The following VPS13C variants were observed in gnomAD, a reference collection of about 807,000 sequenced individuals.
The protein encoded by VPS13C is vacuolar protein sorting 13 homolog C.
VPS13C carries 358 observed loss-of-function variants against 456.8 expected under a neutral mutation model. The ratio of observed to expected loss-of-function variants is 0.78; its 90% CI spans 0.72 to 0.86. The LOEUF is 0.86. VPS13C is among the 40% of genes least tolerant of loss of function. VPS13C has a pLI of 0.00. For synonymous variants in VPS13C, 1,578 were observed against 1,486.7 expected (o/e 1.06, Z -1.41); for missense variants, 4,818 against 4,385.4 (o/e 1.10, Z -2.79).
intron 22 of VPS13C, among the ~76,000 whole-genome samples, chr15:61,979,553 A>G (rs192685391): frequency 3.1e-4 from 47 of 152,372 alleles, no homozygotes; most frequent in Admixed American, 4.6e-4. Flanking sequence ...TTACAAATAG[A>G]TAACTAATTT....
chr15:62,035,118 T>C, intron 3 of VPS13C, 66 bp from the exon 4 acceptor site: 1 of 1,222,012 alleles, frequency 8.2e-7, no homozygotes, highest in Admixed American at 2.0e-5. Context: ...AATTTCTCAC[T>C]TTCCATTAAG....
At chr15:61,950,162 T>C (rs2044738066) in intron 41 of VPS13C, among the ~76,000 whole-genome samples, 196 bp downstream of exon 41, 1 of 152,200 alleles carries the variant, frequency 6.6e-6, no homozygotes, top group Admixed American at 6.5e-5. Context: ...AAACAATCTT[T>C]TCAGAACATA....
chr15:62,015,467 C>A (rs1431333482), intron 9 of VPS13C, among the ~76,000 whole-genome samples: 1 of 151,756 alleles, frequency 6.6e-6, no homozygotes, highest in African/African-American at 2.4e-5. Context: ...AGGTTTTCTT[C>A]TAGGGTTTTT....
At chr15:61,997,569 A>T (rs1185607710) in intron 16 of VPS13C, among the ~76,000 whole-genome samples, 1 of 151,904 alleles carries the variant, frequency 6.6e-6, no homozygotes, top group Non-Finnish European at 1.5e-5. Flanking sequence ...CTCTCATCTC[A>T]CTCAAGCTTG....
rs753493016 is a variant in VPS13C at position 61,878,673 on chromosome 15, T to C, written c.10076A>G (p.His3359Arg). 1.6e-5 allele frequency: 26 copies of C among 1,611,954 alleles called. No individual in the cohort carries two copies. In the South Asian group the frequency reaches 2.3e-4, roughly 14 times the overall value. The part of the protein sequence containing the change: ...DKEKQEMFAV[H>R]SVNLLLKSIG... The stretch of plus-strand genomic sequence containing the variant: ...GCTTTTCAACAGCAAGTTGACAGAA[T>C]GAACTGCAAACATTTCCTGTTTTTC... Residue 3359 changes from histidine (H) to arginine (R), a missense_variant, in exon 74 of 85, where the codon CAT becomes CGT. Transcript: ENST00000644861.
chr15:61,874,653 A>T (rs537975224), intron 77 of VPS13C, among the ~76,000 whole-genome samples: 1 of 152,174 alleles, frequency 6.6e-6, no homozygotes, highest in East Asian at 1.9e-4. Context: ...TTTAATTTAA[A>T]TGTAAAATTA....
At chr15:61,898,490 T>C (rs1389720792) in intron 66 of VPS13C, among the ~76,000 whole-genome samples, 2 of 151,440 alleles carry the variant, frequency 1.3e-5, no homozygotes, top group African/African-American at 4.9e-5. Context: ...CCAACAAAGA[T>C]CAAAAGAGAC....
chr15:61,872,618 A>G lies in VPS13C; in HGVS notation c.10579-584T>C, dbSNP rs76299476. ...TGAATATACTAATACATTTTTAATC[A>G]TTATGAAGTAATGGTAGTAAAATAC... On this transcript the variant is annotated intron_variant, in intron 78 of 84. Coordinates refer to ENST00000644861, the MANE Select transcript of VPS13C (RefSeq NM_020821.3). 6.6e-3 allele frequency among the ~76,000 whole-genome samples: 1,011 copies of G among 152,238 alleles called. 14 individuals carry two copies. Among genetic ancestry groups the G allele is most frequent in the African/African-American group, 0.023 (974 of 41,564 alleles).
chr15:61,871,740 G>A (rs1895047705), intron 79 of VPS13C, among the ~76,000 whole-genome samples: 1 of 152,066 alleles, frequency 6.6e-6, no homozygotes, highest in South Asian at 2.1e-4. Context: ...AATTGCTACT[G>A]AGGACCCAAA....
At chr15:62,001,843 T>C (rs1461673161) in intron 15 of VPS13C, among the ~76,000 whole-genome samples, 3 of 152,246 alleles carry the variant, frequency 2.0e-5, no homozygotes, top group Non-Finnish European at 4.4e-5. Context: ...ACAAAGGACA[T>C]GAACTCATCA....
At chr15:61,936,337 C>G (rs1394281437) in intron 48 of VPS13C, among the ~76,000 whole-genome samples, 2 of 152,100 alleles carry the variant, frequency 1.3e-5, no homozygotes, top group Non-Finnish European at 2.9e-5. Context: ...TCAAGATACG[C>G]CACTTCAGTG....
chr15:62,011,270 A>T (rs1321603091), intron 12 of VPS13C, among the ~76,000 whole-genome samples: 1 of 152,220 alleles, frequency 6.6e-6, no homozygotes, highest in African/African-American at 2.4e-5. Flanking sequence ...ACTGTACAAA[A>T]TTTTCAACTG....
At chr15:62,057,499 AG>A (rs2048841202) in intron 1 of VPS13C, among the ~76,000 whole-genome samples, 1 of 152,236 alleles carries the variant, frequency 6.6e-6, no homozygotes, top group Admixed American at 6.5e-5. Flanking sequence ...TAATGATAAA[AG>A]CTCGTGACTT....
chr15:61,940,793 T>A lies in VPS13C; in HGVS notation c.5455A>T (p.Thr1819Ser), dbSNP rs2044395143. Residue 1819 changes from threonine to serine, a missense_variant and splice_region_variant, in exon 47 of 85, where the codon ACT (threonine) becomes TCT (serine). Thr to Ser is a moderately conservative substitution (Grantham distance 58). Coordinates refer to ENST00000644861, the MANE Select transcript of VPS13C (RefSeq NM_020821.3). ...IELTQLKLSR[T>S]ILQASLPQND... ...TGTGGCAAGCTAGCCTGCAAAATAGTTCTGAAAGAAAAACAAGAATTTATT... is the reference window on the plus strand; with the variant it reads ...TGTGGCAAGCTAGCCTGCAAAATAGATCTGAAAGAAAAACAAGAATTTATT... 6.2e-7 allele frequency: 1 copy of A among 1,606,380 alleles called. No homozygotes were observed. Among genetic ancestry groups the A allele is most frequent in the Admixed American group, 1.7e-5 (1 of 58,998 alleles).
intron 1 of VPS13C, among the ~76,000 whole-genome samples, chr15:62,047,186 G>A (rs2048435770): frequency 6.6e-6 from 1 of 151,888 alleles, no homozygotes; most frequent in South Asian, 2.1e-4. Flanking sequence ...AGCACTTTGA[G>A]AGGCCAAGGC....
chr15:62,003,992 G>T (rs1596462660), intron 15 of VPS13C, among the ~76,000 whole-genome samples: 1 of 152,002 alleles, frequency 6.6e-6, no homozygotes, highest in Non-Finnish European at 1.5e-5. Flanking sequence ...TTTTTTGGTT[G>T]TGTCTCTGCC....
At chr15:61,995,622 C>G (rs1044360468) in intron 16 of VPS13C, among the ~76,000 whole-genome samples, 1 of 152,178 alleles carries the variant, frequency 6.6e-6, no homozygotes, top group Non-Finnish European at 1.5e-5. Context: ...AGGCAAGGAA[C>G]TGAAGATGAT....
chr15:61,873,881 G>A (rs1253209698), intron 77 of VPS13C, among the ~76,000 whole-genome samples: 3 of 151,894 alleles, frequency 2.0e-5, no homozygotes, highest in Non-Finnish European at 4.4e-5. Flanking sequence ...CATGTTTACT[G>A]CAGCACTAGT....
rs984645285 is a variant in VPS13C at position 62,006,350 on chromosome 15, C to T, written c.1290+958G>A. ...ATTCCCACCTATGAGTGAGAATATG[C>T]GGTGTTTGGTTTTTTGTCCTTGCGA... is the stretch of plus-strand genomic sequence containing the variant. On this transcript the variant is annotated intron_variant, in intron 15 of 84. Transcript: ENST00000644861. Among the ~76,000 whole-genome samples the T allele has an allele frequency of 5.9e-5, 9 of 152,010 alleles. No individual in the cohort carries two copies. The South Asian group carries it at 8.3e-4, about 14-fold the overall frequency.
Sources: gnomAD v4.1 joint callset for allele counts (sites outside exome capture counted in the v4.1 genomes callset) on GRCh38, gnomAD v4.1.1 for gene constraint, MANE v1.5 for transcripts, NCBI Gene and HGNC (gene_info 2026-07-23, HGNC 2026-07-21) for gene names.